KIAA1549L: variants seen among roughly 807,000 people sequenced by gnomAD.
KIAA1549L encodes KIAA1549 like, also known as UPF0606 protein KIAA1549L.
KIAA1549L carries 88 observed loss-of-function variants against 160.7 expected under a neutral mutation model. The observed-to-expected ratio is 0.55, with a 90% CI of 0.46 to 0.65. The LOEUF (loss-of-function observed/expected upper bound fraction) is 0.65, where lower values mean the gene tolerates loss of function less well. Among genes scored for constraint, KIAA1549L ranks in the 30% least tolerant of loss-of-function variants. The pLI, the probability that KIAA1549L is intolerant of heterozygous loss-of-function variation, is 0.00. For missense variants in KIAA1549L, 2,258 were observed against 2,437.5 expected, an observed-to-expected ratio of 0.93 and a Z score of 1.55; for synonymous variants, 950 against 976.7, an observed-to-expected ratio of 0.97 and a Z score of 0.51.
chr11:33,477,497 G>C (rs116629788), intron 1 of KIAA1549L, among the ~76,000 whole-genome samples: 5 of 147,544 alleles, frequency 3.4e-5, no homozygotes, highest in African/African-American at 1.3e-4. Flanking sequence ...GGAGTGCCAC[G>C]CAGGTGCACG....
intron 15 of KIAA1549L, 28 bp downstream of exon 15, chr11:33,609,994 G>C (rs779167196): frequency 2.5e-6 from 4 of 1,572,072 alleles, no homozygotes; most frequent in South Asian, 2.2e-5. Flanking sequence ...TTCTGTAAAG[G>C]GTGCTGTATC....
At chr11:33,499,690 C>A (rs2133084070) in intron 1 of KIAA1549L, among the ~76,000 whole-genome samples, 1 of 152,324 alleles carries the variant, frequency 6.6e-6, no homozygotes, top group Non-Finnish European at 1.5e-5. Flanking sequence ...CTTCTTAGAT[C>A]CAGCCCATCA....
At chr11:33,531,707 C>A (rs1853777863) in intron 1 of KIAA1549L, among the ~76,000 whole-genome samples, 1 of 152,146 alleles carries the variant, frequency 6.6e-6, no homozygotes, top group African/African-American at 2.4e-5. Flanking sequence ...TAAAAAGCCC[C>A]AAGAGGAATC....
chr11:33,568,480 C>T (rs556247181), intron 9 of KIAA1549L, among the ~76,000 whole-genome samples: 5 of 152,314 alleles, frequency 3.3e-5, no homozygotes, highest in Non-Finnish European at 7.3e-5. Flanking sequence ...AGTCTCGGTA[C>T]AAAATCTGTA....
chr11:33,473,321 G>A (rs1050479965), intron 1 of KIAA1549L, among the ~76,000 whole-genome samples: 11 of 152,118 alleles, frequency 7.2e-5, no homozygotes, highest in African/African-American at 2.7e-4. Flanking sequence ...AGTACTGTAG[G>A]GTCAAACCCA....
At chr11:33,515,762 C>T (rs528766583) in intron 1 of KIAA1549L, among the ~76,000 whole-genome samples, 3 of 152,280 alleles carry the variant, frequency 2.0e-5, no homozygotes, top group African/African-American at 7.2e-5. Flanking sequence ...CTTTGCTTCT[C>T]CTTGCTTCAT....
chr11:33,448,513 A>G (rs944839045), intron 1 of KIAA1549L, among the ~76,000 whole-genome samples: 2 of 152,136 alleles, frequency 1.3e-5, no homozygotes, highest in Non-Finnish European at 2.9e-5. Context: ...GGTACTAGAT[A>G]GAGCCACAGT....
At chr11:33,565,065 G>C (rs2133227264) in intron 8 of KIAA1549L, among the ~76,000 whole-genome samples, 1 of 152,332 alleles carries the variant, frequency 6.6e-6, no homozygotes, top group South Asian at 2.1e-4. Flanking sequence ...TGGGGGACCA[G>C]GGCCCTGGCT....
At chr11:33,553,675 ACT>A (rs1854550349) in intron 6 of KIAA1549L, among the ~76,000 whole-genome samples, 1 of 152,024 alleles carries the variant, frequency 6.6e-6, no homozygotes, top group Admixed American at 6.6e-5. Flanking sequence ...TCTTGTGGGA[ACT>A]CTTTTTCTTT....
intron 18 of KIAA1549L, among the ~76,000 whole-genome samples, 189 bp downstream of exon 18, chr11:33,656,298 T>G (rs1466488509): frequency 6.6e-6 from 1 of 152,174 alleles, no homozygotes; most frequent in Non-Finnish European, 1.5e-5. Context: ...GGTGCTTTTG[T>G]GCTTTTTAAC....
rs868282242 is a variant in KIAA1549L, at chr11:33,403,537, C to T, written c.238+26648C>T. On this transcript the variant is annotated intron_variant, in intron 1 of 20. Coordinates refer to ENST00000658780, the MANE Select transcript of KIAA1549L (RefSeq NM_012194.3). ...ATGGACAGACACGCAGACACACACA[C>T]GCACAGACACACAGACACGCATGGA... The T allele has an allele frequency of 1.4e-3, 205 of 151,112 alleles. 1 individual carries two copies. Among genetic ancestry groups the T allele is most frequent in the Middle Eastern group, 3.4e-3 (1 of 292 alleles). 9.4% of individuals were successfully genotyped at this position (151,112 alleles called of 1,614,324 possible).
chr11:33,550,608 G>A (rs780712378), intron 4 of KIAA1549L, among the ~76,000 whole-genome samples: 80 of 152,072 alleles, frequency 5.3e-4, no homozygotes, highest in Non-Finnish European at 1.1e-3. Flanking sequence ...TCCTTGACCG[G>A]TGCCCCCAAG....
At chr11:33,634,042 T>A (rs1851374580) in intron 16 of KIAA1549L, among the ~76,000 whole-genome samples, 1 of 152,010 alleles carries the variant, frequency 6.6e-6, no homozygotes, top group African/African-American at 2.4e-5. Flanking sequence ...TCTGTTTTTG[T>A]TGTTGTTGTT....
At chr11:33,402,064 C>T (rs896715441) in intron 1 of KIAA1549L, among the ~76,000 whole-genome samples, 3 of 152,166 alleles carry the variant, frequency 2.0e-5, no homozygotes, top group Admixed American at 1.3e-4. Context: ...CTTACAGCAT[C>T]GAGGGGTCAG....
intron 1 of KIAA1549L, among the ~76,000 whole-genome samples, chr11:33,438,733 C>T (rs905786005): frequency 2.0e-5 from 3 of 152,112 alleles, no homozygotes; most frequent in South Asian, 2.1e-4. Flanking sequence ...TCAAGGTATA[C>T]GAGTCTCCAC....
At chr11:33,653,299 G>C (rs1256994218) in intron 17 of KIAA1549L, among the ~76,000 whole-genome samples, 1 of 152,184 alleles carries the variant, frequency 6.6e-6, no homozygotes, top group Non-Finnish European at 1.5e-5. Flanking sequence ...AAAAAAATTG[G>C]AAGTACAGCA....
At chr11:33,486,768 A>G (rs577722764) in intron 1 of KIAA1549L, among the ~76,000 whole-genome samples, 15 of 152,302 alleles carry the variant, frequency 9.8e-5, no homozygotes, top group African/African-American at 3.6e-4. Context: ...ATCTATGAAT[A>G]ACTCAACCAA....
chr11:33,509,938 G>A (rs1174900334), intron 1 of KIAA1549L, among the ~76,000 whole-genome samples: 2 of 152,134 alleles, frequency 1.3e-5, no homozygotes, highest in African/African-American at 4.8e-5. Flanking sequence ...GTCAGTAATT[G>A]CTCTGCTGGT....
At chr11:33,407,848 G>A (rs774503968) in intron 1 of KIAA1549L, among the ~76,000 whole-genome samples, 1 of 152,074 alleles carries the variant, frequency 6.6e-6, no homozygotes, top group African/African-American at 2.4e-5. Context: ...TTCTGCGCCC[G>A]TCTATCCATT....
Sources: gnomAD v4.1 joint callset for allele counts (sites outside exome capture counted in the v4.1 genomes callset) on GRCh38, gnomAD v4.1.1 for gene constraint, MANE v1.5 for transcripts, NCBI Gene and HGNC (gene_info 2026-07-23, HGNC 2026-07-21) for gene names.